COL6A2: variants seen among roughly 807,000 people sequenced by gnomAD.
COL6A2 encodes the protein collagen type VI alpha 2 chain.
In COL6A2, 90 loss-of-function variants were observed where a neutral mutation model predicts 124.9. That is an observed-to-expected ratio of 0.72 (90% confidence interval 0.61 to 0.86). The LOEUF is 0.86. Among genes scored for constraint, COL6A2 ranks in the 40% least tolerant of loss-of-function variants. The probability of loss-of-function intolerance (pLI) is 0.00; values close to 1 mark genes in which losing one functional copy is unlikely to be tolerated. For missense variants in COL6A2, 1,607 were observed against 1,502.5 expected, an observed-to-expected ratio of 1.07 and a Z score of -1.15; for synonymous variants, 793 against 618.2, an observed-to-expected ratio of 1.28 and a Z score of -4.19.
intron 5 of COL6A2, 59 bp from the exon 6 acceptor site, chr21:46,115,813 C>A: frequency 6.7e-7 from 1 of 1,497,186 alleles, no homozygotes. Context: ...GTGGCAGGGT[C>A]CCCAGCTGCC....
At position 46,112,483 on chromosome 21, in the gene COL6A2, C is replaced by T. The variant is rs760395633; in HGVS notation, c.620C>T (p.Thr207Met). 5.3e-5 allele frequency: 86 copies of T among 1,611,198 alleles called. 1 individual carries two copies. Among genetic ancestry groups the T allele is most frequent in the South Asian group, 4.8e-4 (44 of 91,064 alleles). Residue 207 changes from threonine (T) to methionine (M), a missense_variant, in exon 3 of 28, where the codon ACG (threonine) becomes ATG (methionine). Coordinates refer to ENST00000300527, the MANE Select transcript of COL6A2 (RefSeq NM_001849.4). ...KEQGLRDIAS[T>M]PHELYRNDYA... ...CAGGGCCTGCGGGACATCGCCAGCA[C>T]GCCGCACGAGCTCTACCGCAACGAC...
chr21:46,123,997 GTGGA>G (rs1372026156), intron 21 of COL6A2, among the ~76,000 whole-genome samples: 2 of 150,464 alleles, frequency 1.3e-5, no homozygotes, highest in African/African-American at 2.4e-5. Context: ...GGGTAGGTGG[GTGGA>G]TGGATGGTTA....
intron 1 of COL6A2, among the ~76,000 whole-genome samples, chr21:46,106,371 AGCTATTAGCTG>A (rs2078335275): frequency 1.3e-5 from 2 of 152,178 alleles, no homozygotes; most frequent in Non-Finnish European, 2.9e-5. Flanking sequence ...TTCAGACCTC[AGCTATTAGCTG>A]AGTGCCCTGG....
chr21:46,123,767 GATGGATGGGTGAGTGGGTGTATGT>G (rs1052616069), intron 21 of COL6A2, among the ~76,000 whole-genome samples: 26 of 135,272 alleles, frequency 1.9e-4, no homozygotes, highest in East Asian at 6.1e-4. Flanking sequence ...TGAGTGGGGG[GATGGATGGGTGAGTGGGTGTATGT>G]ATGGATGGGT....
At chr21:46,123,853 GAGTT>G (rs780289469) in intron 21 of COL6A2, among the ~76,000 whole-genome samples, 3 of 95,554 alleles carry the variant, frequency 3.1e-5, no homozygotes, top group South Asian at 6.0e-4. Context: ...ATGGATGAAT[GAGTT>G]AGTGGGTTGG....
At chr21:46,125,677 T>C in intron 25 of COL6A2, 60 bp downstream of exon 25, 2 of 1,590,696 alleles carry the variant, frequency 1.3e-6, no homozygotes, top group Admixed American at 1.8e-5. Flanking sequence ...TGGGAGGCGA[T>C]GAGATGGGAG....
intron 1 of COL6A2, among the ~76,000 whole-genome samples, chr21:46,105,341 A>G (rs1204111391): frequency 1.3e-5 from 2 of 152,180 alleles, no homozygotes; most frequent in Admixed American, 1.3e-4. Flanking sequence ...AGCTGTCACC[A>G]CACCACTGCA....
At chr21:46,123,830 G>A (rs1378574711) in intron 21 of COL6A2, among the ~76,000 whole-genome samples, 1 of 150,390 alleles carries the variant, frequency 6.6e-6, no homozygotes, top group Non-Finnish European at 1.5e-5. Flanking sequence ...ATGGATGGGT[G>A]CATAAAGGAT....
In COL6A2 at chr21:46,121,121, C is replaced by T; in HGVS notation, c.1456C>T (p.Gln486Ter). Residue 486 changes from glutamine to a stop codon, truncating the protein, a stop_gained and splice_region_variant, in exon 17 of 28, where the codon CAG becomes TAG. Transcript: ENST00000300527. LOFTEE classifies it high-confidence loss of function. ...PQGALGEPGKQGSRGDPGDAG... is the reference protein window; with the variant it reads ...PQGALGEPGK ...GGGAGCTCTTGGGGAGCCCGGAAAG[C>T]AGGTCAGTGTCAGTGCAGGAGGCCG... 1 of 1,612,740 alleles carries T rather than the reference C, an allele frequency of 6.2e-7. No individual in the cohort carries two copies. The highest frequency in any genetic ancestry group is 8.5e-7 in the Non-Finnish European group (1 of 1,179,916).
chr21:46,125,517 C>T lies in COL6A2; in HGVS notation c.1869C>T (p.Ser623=), dbSNP rs760704425. The change falls in exon 25 of 28, where the codon TCC becomes TCT. Residue 623 remains serine, a synonymous_variant. Transcript: ENST00000300527. ...ALDVVFVIDS[S]ESIGYTNFTL... ...ACGTGGTCTTCGTCATCGACAGCTCCGAGAGCATTGGGTACACCAACTTCA... is the reference window on the plus strand; with the variant it reads ...ACGTGGTCTTCGTCATCGACAGCTCTGAGAGCATTGGGTACACCAACTTCA... 5.6e-5 allele frequency: 91 copies of T among 1,612,860 alleles called. 1 individual carries two copies. The highest frequency in any genetic ancestry group is 8.0e-5 in the African/African-American group (6 of 74,930).
chr21:46,112,750 G>A, intron 3 of COL6A2, 54 bp from the exon 4 acceptor site: 1 of 1,613,090 alleles, frequency 6.2e-7, no homozygotes, highest in Non-Finnish European at 8.5e-7. Context: ...TCGAGGTGCA[G>A]CCGCCCCAGG....
rs1032344207 is a variant in COL6A2 at position 46,116,100 on chromosome 21, A to C, written c.900+47A>C. On this transcript the variant is annotated intron_variant, in intron 7 of 27. Coordinates refer to ENST00000300527, the MANE Select transcript of COL6A2 (RefSeq NM_001849.4). The surrounding 1 kb of genome is among the most constrained non-coding windows in gnomAD (Gnocchi z 4.6). ...CTTGGCTCCACCCTGAGGCCCCAGC[A>C]CTGCCAGGCAGGCTCCCCCCAGCCC... 1.1e-5 allele frequency: 17 copies of C among 1,540,644 alleles called. No individual in the cohort carries two copies. Among genetic ancestry groups the C allele is most frequent in the Non-Finnish European group, 1.5e-5 (17 of 1,137,894 alleles).
rs149835480 is a variant in COL6A2, at chr21:46,131,194, C to T, written c.2462-760C>T. On this transcript the variant is annotated intron_variant, in intron 27 of 27. Transcript: ENST00000300527. ...TGGTGAGGCCACAGGGCCAGGTCCA[C>T]GCAAGGACTGTCCGTGTCCTGTCCT... 5.5e-3 allele frequency among the ~76,000 whole-genome samples: 835 copies of T among 152,370 alleles called. 7 individuals carry two copies. Among genetic ancestry groups the T allele is most frequent in the African/African-American group, 0.019 (774 of 41,592 alleles).
intron 5 of COL6A2, among the ~76,000 whole-genome samples, chr21:46,114,943 G>A (rs765020149): frequency 1.3e-5 from 2 of 152,264 alleles, no homozygotes; most frequent in Non-Finnish European, 2.9e-5. Flanking sequence ...GTAGCTTCGT[G>A]TTTTTCTAAA....
Position 46,125,456 on chromosome 21 carries a change from C to A in COL6A2, c.1817-9C>A. On this transcript the variant is annotated splice_polypyrimidine_tract_variant and intron_variant, in intron 24 of 27. Transcript: ENST00000300527. ...CCGGTACCCCCCGATGACCCTGCCA[C>A]CCCCCCAGACTGTGAGAAGCGCTGT... 1.3e-6 allele frequency: 2 copies of A among 1,576,926 alleles called. No homozygotes were observed. Among genetic ancestry groups the A allele is most frequent in the Non-Finnish European group, 1.7e-6 (2 of 1,161,786 alleles).
At position 46,132,436 on chromosome 21, in the gene COL6A2, A is replaced by G. The variant is rs190664941; in HGVS notation, c.2944A>G (p.Met982Val). The change falls in exon 28 of 28, where the codon ATG becomes GTG. Residue 982 changes from methionine (M) to valine (V), a missense_variant. Transcript: ENST00000300527. ...TVLALGSDVD[M>V]DVLTTLSLGD... ...GCTGGCCTTGGGCAGCGACGTGGAC[A>G]TGGACGTGCTCACCACGCTCAGCCT... 3.6e-4 allele frequency: 575 copies of G among 1,606,812 alleles called. 2 individuals carry two copies. The East Asian group carries it at 0.01, about 29-fold the overall frequency.
intron 27 of COL6A2, among the ~76,000 whole-genome samples, chr21:46,127,237 A>G (rs965181928): frequency 6.6e-6 from 1 of 151,990 alleles, no homozygotes; most frequent in African/African-American, 2.4e-5. Context: ...CCATGGAGAC[A>G]GGGTGGGAGG....
intron 21 of COL6A2, among the ~76,000 whole-genome samples, chr21:46,123,819 A>AATGG (rs1226248820): frequency 8.1e-6 from 1 of 123,164 alleles, no homozygotes; most frequent in Non-Finnish European, 1.7e-5. Context: ...TGGGTGGATG[A>AATGG]ATGGATGGGT....
At chr21:46,120,087 ACCCCCGGCC>A (rs2078536619) in intron 15 of COL6A2, among the ~76,000 whole-genome samples, 1 of 77,924 alleles carries the variant, frequency 1.3e-5, no homozygotes, top group Non-Finnish European at 2.9e-5. Context: ...GGCACCATTC[ACCCCCGGCC>A]CACTGAGGCA....
Sources: allele counts gnomAD v4.1 joint callset (sites outside exome capture counted in the v4.1 genomes callset), GRCh38; gene constraint gnomAD v4.1.1; non-coding constraint Gnocchi (gnomAD v3.1); transcripts MANE v1.5; gene names NCBI Gene and HGNC (gene_info 2026-07-23, HGNC 2026-07-21).